DENND4A: variants seen among roughly 807,000 people sequenced by gnomAD.
The protein encoded by DENND4A is C-myc promoter-binding protein.
In DENND4A, 70 loss-of-function variants were observed where a neutral mutation model predicts 199.3. The ratio of observed to expected loss-of-function variants is 0.35; its 90% confidence interval spans 0.29 to 0.43. The LOEUF is 0.43. DENND4A is among the 20% of genes least tolerant of loss of function. The pLI is 1.00. For synonymous variants in DENND4A, 686 were observed against 766.9 expected, an observed-to-expected ratio of 0.89 and a Z score of 1.74; for missense variants, 1,723 against 2,255.8, an observed-to-expected ratio of 0.76 and a Z score of 4.78.
intron 1 of DENND4A, among the ~76,000 whole-genome samples, chr15:65,777,682 CA>C (rs1265585660): frequency 6.6e-6 from 1 of 151,812 alleles, no homozygotes; most frequent in Non-Finnish European, 1.5e-5. Flanking sequence ...AAACAAACCT[CA>C]AAAAAGAAAA....
Position 65,729,029 on chromosome 15 carries a change from A to G in DENND4A, c.1487+43T>C, listed in dbSNP as rs1054910833. 9 of 1,512,106 alleles carry G rather than the reference A, an allele frequency of 6.0e-6. No homozygotes were observed. In the African/African-American group the frequency reaches 9.7e-5, roughly 16 times the overall value. The allele number at this position is 1,512,106 out of a possible 1,614,324, so 93.7% of individuals were successfully genotyped here. On this transcript the variant is annotated intron_variant, in intron 11 of 32. Coordinates refer to ENST00000443035, the MANE Select transcript of DENND4A (RefSeq NM_001320835.1). ...ATATACAGTTACATACATATGCTAC[A>G]AAGTTGTAAAATATACATGTAGAAT...
At chr15:65,720,610 C>T (rs2075587162) in intron 12 of DENND4A, among the ~76,000 whole-genome samples, 1 of 151,198 alleles carries the variant, frequency 6.6e-6, no homozygotes, top group Non-Finnish European at 1.5e-5. Context: ...CGGGGTTTTA[C>T]TATGTCGGCC....
intron 4 of DENND4A, among the ~76,000 whole-genome samples, chr15:65,743,875 A>T (rs529563018): frequency 2.6e-5 from 4 of 152,176 alleles, no homozygotes; most frequent in Admixed American, 2.6e-4. Context: ...AGGAAGCCAG[A>T]TCATGTGGGT....
At position 65,792,081 on chromosome 15, in the gene DENND4A, G is replaced by C. The variant is rs1009869058; in HGVS notation, c.-173C>G. The stretch of plus-strand genomic sequence containing the variant: ...GCGCCGGAATCCCGCACGCGCGGTA[G>C]CGGAACACGAGGGGCTGAATGCCGC... On this transcript the variant is annotated 5_prime_UTR_variant, in exon 1 of 33. Transcript: ENST00000443035. 1 of 152,432 alleles carries C rather than the reference G, an allele frequency of 6.6e-6. No homozygotes were observed. Among genetic ancestry groups the C allele is most frequent in the Admixed American group, 6.5e-5 (1 of 15,286 alleles). The allele number at this position is 152,432 out of a possible 1,614,324, so 9.4% of individuals were successfully genotyped here. A position where few individuals can be genotyped will look rare whatever the true frequency, so the allele number is the denominator to read the frequency against.
At chr15:65,746,195 T>G (rs1385069019) in intron 4 of DENND4A, among the ~76,000 whole-genome samples, 1 of 151,294 alleles carries the variant, frequency 6.6e-6, no homozygotes, top group African/African-American at 2.4e-5. Flanking sequence ...ACACACAAGG[T>G]TCAAGGTGAA....
intron 13 of DENND4A, among the ~76,000 whole-genome samples, chr15:65,717,519 T>C (rs376866464): frequency 1.3e-5 from 2 of 152,124 alleles, no homozygotes; most frequent in Admixed American, 6.6e-5. Context: ...TCAACACACA[T>C]GTGACACAAA....
rs144421544 is a variant in DENND4A, at chr15:65,707,894, C to T, written c.1954-1670G>A. 2.9e-3 allele frequency among the ~76,000 whole-genome samples: 436 copies of T among 152,022 alleles called. 3 individuals are homozygous for T. The highest frequency in any genetic ancestry group is 9.9e-3 in the African/African-American group (412 of 41,464). On this transcript the variant is annotated intron_variant, in intron 14 of 32. Coordinates refer to ENST00000443035, the MANE Select transcript of DENND4A (RefSeq NM_001320835.1). ...AGTGACAGGGTTTTACCATGTTGGCCAGGCTGGTCAGGAGCTCCTGACCTT... is the reference window on the plus strand; with the variant it reads ...AGTGACAGGGTTTTACCATGTTGGCTAGGCTGGTCAGGAGCTCCTGACCTT...
At chr15:65,702,177 T>A in intron 17 of DENND4A, 128 bp downstream of exon 17, 1 of 816,242 alleles carries the variant, frequency 1.2e-6, no homozygotes, top group South Asian at 1.7e-5. Flanking sequence ...AATGGGAGGA[T>A]TGCATCTCTT....
At chr15:65,686,439 T>G (rs865884939) in intron 23 of DENND4A, among the ~76,000 whole-genome samples, 2 of 152,204 alleles carry the variant, frequency 1.3e-5, no homozygotes, top group Admixed American at 6.5e-5. Context: ...CAACTGAGCG[T>G]TTTTAAATTT....
intron 13 of DENND4A, among the ~76,000 whole-genome samples, chr15:65,716,489 T>C (rs1376158882): frequency 2.0e-5 from 3 of 147,738 alleles, no homozygotes; most frequent in Non-Finnish European, 4.5e-5. Context: ...AGTGAGAACA[T>C]GCGGTGTTTG....
chr15:65,774,868 C>CTTT (rs397854207), intron 1 of DENND4A, among the ~76,000 whole-genome samples: 18 of 112,034 alleles, frequency 1.6e-4, no homozygotes, highest in African/African-American at 3.4e-4. Flanking sequence ...CAAATGTTTA[C>CTTT]TTTTTTTTTT....
At chr15:65,692,358 T>C (rs2077001553) in intron 22 of DENND4A, among the ~76,000 whole-genome samples, 3 of 152,196 alleles carry the variant, frequency 2.0e-5, no homozygotes, top group Admixed American at 1.3e-4. Flanking sequence ...ATTACTTAGA[T>C]GACAATACTA....
chr15:65,719,896 C>G (rs994030130), intron 12 of DENND4A, among the ~76,000 whole-genome samples: 21 of 150,836 alleles, frequency 1.4e-4, no homozygotes, highest in African/African-American at 4.9e-4. Flanking sequence ...CACCCTGTCT[C>G]AAAAAAAAGA....
chr15:65,669,406 T>C (rs752404659), intron 27 of DENND4A, among the ~76,000 whole-genome samples: 2 of 152,216 alleles, frequency 1.3e-5, no homozygotes, highest in African/African-American at 2.4e-5. Flanking sequence ...AAATATTCCC[T>C]AGGTAGAAAA....
intron 1 of DENND4A, among the ~76,000 whole-genome samples, chr15:65,784,539 A>G (rs1489777114): frequency 6.6e-6 from 1 of 152,126 alleles, no homozygotes; most frequent in African/African-American, 2.4e-5. Context: ...CATATTTTAT[A>G]AGAAAACATT....
intron 19 of DENND4A, 82 bp from the exon 20 acceptor site, chr15:65,700,757 A>C (rs2074839926): frequency 1.5e-6 from 2 of 1,335,724 alleles, no homozygotes; most frequent in Admixed American, 6.6e-5. Context: ...ATAATCCACC[A>C]ATGTAATACT....
At position 65,714,663 on chromosome 15, in the gene DENND4A, C is replaced by T. The variant is rs143414108; in HGVS notation, c.1953+815G>A. Among the ~76,000 whole-genome samples the T allele has an allele frequency of 3.3e-5, 5 of 152,316 alleles. No homozygotes were observed. The East Asian group carries it at 9.6e-4, about 29-fold the overall frequency. On this transcript the variant is annotated intron_variant, in intron 14 of 32. Transcript: ENST00000443035. The stretch of plus-strand genomic sequence containing the variant: ...CCCTTGCTATCCCCATGAGGACACT[C>T]TCCTCACCCTGCTCAGACTCTGACA...
intron 1 of DENND4A, among the ~76,000 whole-genome samples, chr15:65,776,596 A>C (rs2077290343): frequency 6.6e-6 from 1 of 152,226 alleles, no homozygotes. Context: ...TATGTCCTGT[A>C]TCATTCCCCT....
intron 1 of DENND4A, among the ~76,000 whole-genome samples, chr15:65,774,838 G>A (rs1055554707): frequency 7.0e-6 from 1 of 142,858 alleles, no homozygotes; most frequent in African/African-American, 2.6e-5. Flanking sequence ...AAAAAATTTT[G>A]TGGATACTTA....
Sources: allele counts gnomAD v4.1 joint callset (sites outside exome capture counted in the v4.1 genomes callset), GRCh38; gene constraint gnomAD v4.1.1; transcripts MANE v1.5; gene names NCBI Gene and HGNC (gene_info 2026-07-23, HGNC 2026-07-21).